OCA2: variants seen among roughly 807,000 people sequenced by gnomAD.
OCA2 encodes the protein P protein.
OCA2 carries 77 observed loss-of-function variants against 100.2 expected under a neutral mutation model. That is an observed-to-expected ratio of 0.77 (90% CI 0.64 to 0.93). The LOEUF is 0.93. Among genes scored for constraint, OCA2 ranks in the 40% least tolerant of loss-of-function variants. OCA2 has a pLI of 0.00. For synonymous variants in OCA2, 432 were observed against 439.2 expected, an observed-to-expected ratio of 0.98 and a Z score of 0.21; for missense variants, 1,062 against 1,089.1, an observed-to-expected ratio of 0.98 and a Z score of 0.35.
the OCA2 span, among the ~76,000 whole-genome samples, chr15:27,730,545 T>G: frequency 2.0e-5 from 3 of 151,716 alleles, no homozygotes; most frequent in Admixed American, 2.0e-4. Flanking sequence ...TTCCCAAGGT[T>G]GGGGGCTGGA....
At chr15:28,067,044 G>A (rs559571135) in intron 2 of OCA2, among the ~76,000 whole-genome samples, 12 of 152,270 alleles carry the variant, frequency 7.9e-5, no homozygotes, top group African/African-American at 1.4e-4. Context: ...TTTTGTCTCC[G>A]TAAAATGTAT....
chr15:27,799,308 G>T (rs1252905612), intron 23 of OCA2, among the ~76,000 whole-genome samples: 1 of 152,152 alleles, frequency 6.6e-6, no homozygotes, highest in African/African-American at 2.4e-5. Flanking sequence ...CTGTGCTCAG[G>T]AGCCTTAACC....
downstream of OCA2, among the ~76,000 whole-genome samples, chr15:27,754,689 C>A (rs1223597632): frequency 6.6e-6 from 1 of 152,208 alleles, no homozygotes; most frequent in South Asian, 2.1e-4. Flanking sequence ...ATGGAAATAG[C>A]ATGCACCACT....
chr15:27,906,136 C>A (rs899158066), intron 19 of OCA2, among the ~76,000 whole-genome samples: 1 of 152,130 alleles, frequency 6.6e-6, no homozygotes, highest in Non-Finnish European at 1.5e-5. Flanking sequence ...CTATAATTAA[C>A]AATAACTTAT....
At chr15:27,962,020 A>T (rs1391545231) in intron 15 of OCA2, among the ~76,000 whole-genome samples, 1 of 152,134 alleles carries the variant, frequency 6.6e-6, no homozygotes, top group Non-Finnish European at 1.5e-5. Context: ...AAAATAATAA[A>T]ACAAAATAAA....
intron 5 of OCA2, among the ~76,000 whole-genome samples, chr15:28,023,921 C>T (rs1015413400): frequency 6.4e-4 from 98 of 152,216 alleles, no homozygotes; most frequent in African/African-American, 2.2e-3. Context: ...CGTGCAGACA[C>T]GAAGACACAC....
intron 3 of OCA2, 132 bp downstream of exon 3, chr15:28,031,933 A>G (rs2042916734): frequency 1.3e-6 from 1 of 759,872 alleles, no homozygotes; most frequent in African/African-American, 1.7e-5. Context: ...AACATCTACT[A>G]CAATAAATTG....
chr15:27,745,838 A>T, the OCA2 span, among the ~76,000 whole-genome samples: 2 of 152,206 alleles, frequency 1.3e-5, no homozygotes, highest in Non-Finnish European at 2.9e-5. Flanking sequence ...ACTCCTTTCG[A>T]TTCATTCCAG....
chr15:27,835,730 A>G (rs2151333286), intron 23 of OCA2, among the ~76,000 whole-genome samples: 1 of 152,234 alleles, frequency 6.6e-6, no homozygotes, highest in South Asian at 2.1e-4. Flanking sequence ...TTGGCCTCTC[A>G]TCATCACCCC....
At chr15:28,072,414 C>G (rs199776731) in intron 2 of OCA2, among the ~76,000 whole-genome samples, 2 of 151,900 alleles carry the variant, frequency 1.3e-5, no homozygotes, top group East Asian at 3.9e-4. Context: ...ACGGTGAAAC[C>G]CCATCTCTAC....
At chr15:27,927,490 C>A (rs1033921667) in intron 18 of OCA2, among the ~76,000 whole-genome samples, 2 of 152,196 alleles carry the variant, frequency 1.3e-5, no homozygotes, top group Non-Finnish European at 2.9e-5. Context: ...TGTATGTACA[C>A]ATGCTTTCAG....
chr15:27,783,094 T>C (rs912456119), intron 23 of OCA2, among the ~76,000 whole-genome samples: 1 of 152,196 alleles, frequency 6.6e-6, no homozygotes, highest in African/African-American at 2.4e-5. Context: ...GCACAGCCCA[T>C]TGTGATAATC....
At chr15:28,037,640 T>C (rs572909233) in intron 2 of OCA2, among the ~76,000 whole-genome samples, 2 of 152,226 alleles carry the variant, frequency 1.3e-5, no homozygotes, top group Non-Finnish European at 2.9e-5. Flanking sequence ...GCAAGTACTT[T>C]CTATGTTAGG....
At chr15:27,840,683 G>A (rs1305308209) in intron 23 of OCA2, among the ~76,000 whole-genome samples, 7 of 152,122 alleles carry the variant, frequency 4.6e-5, no homozygotes, top group Admixed American at 6.5e-5. Context: ...TGCACCAAAC[G>A]GTGCTAGAGT....
intron 2 of OCA2, among the ~76,000 whole-genome samples, chr15:28,072,440 A>C (rs2044290455): frequency 6.6e-6 from 1 of 152,126 alleles, no homozygotes; most frequent in Non-Finnish European, 1.5e-5. Flanking sequence ...ATATAAAAAA[A>C]TTAGCTGGGC....
At chr15:28,041,991 T>G (rs1461929480) in intron 2 of OCA2, among the ~76,000 whole-genome samples, 2 of 152,132 alleles carry the variant, frequency 1.3e-5, no homozygotes, top group African/African-American at 2.4e-5. Context: ...GAGAGAAGTC[T>G]CCATGTTGGG....
chr15:27,767,807 G>A (rs2031385871), intron 23 of OCA2, among the ~76,000 whole-genome samples: 1 of 152,178 alleles, frequency 6.6e-6, no homozygotes, highest in Non-Finnish European at 1.5e-5. Context: ...AGCCAGCAGA[G>A]GCAACCTACT....
intron 23 of OCA2, among the ~76,000 whole-genome samples, chr15:27,831,687 G>A (rs988048428): frequency 6.6e-6 from 1 of 152,186 alleles, no homozygotes; most frequent in Admixed American, 6.5e-5. Context: ...GCCTGCAGCC[G>A]TTCTCTATCA....
intron 19 of OCA2, among the ~76,000 whole-genome samples, chr15:27,877,673 C>T (rs1221553180): frequency 1.3e-5 from 2 of 151,972 alleles, no homozygotes; most frequent in African/African-American, 2.4e-5. Flanking sequence ...TTACTTTCAA[C>T]ATATCTCTAT....
Sources: allele counts gnomAD v4.1 joint callset (sites outside exome capture counted in the v4.1 genomes callset), GRCh38; gene constraint gnomAD v4.1.1; transcripts MANE v1.5; gene names NCBI Gene and HGNC (gene_info 2026-07-23, HGNC 2026-07-21).